Variants in RGS5 observed in about 807,000 individuals in gnomAD.
The protein encoded by RGS5 is regulator of G protein signaling 5.
A neutral mutation model predicts 18.9 loss-of-function variants in RGS5; 20 were observed. The ratio of observed to expected loss-of-function variants is 1.06; its 90% CI spans 0.74 to 1.54. RGS5 has a LOEUF of 1.54. RGS5 is among the 40% of genes most tolerant of loss of function. The pLI is 0.00. For synonymous variants in RGS5, 57 were observed against 76.2 expected, an observed-to-expected ratio of 0.75 and a Z score of 1.31; for missense variants, 201 against 211.8, an observed-to-expected ratio of 0.95 and a Z score of 0.32.
chr1:163,216,078 T>C (rs1660210542), intron 1 of RGS5, among the ~76,000 whole-genome samples: 1 of 151,814 alleles, frequency 6.6e-6, no homozygotes, highest in African/African-American at 2.4e-5. Context: ...TGTTAGTGGG[T>C]TTCTTGCCAA....
At chr1:163,312,274 C>T (rs1051338827) in intron 1 of RGS5, among the ~76,000 whole-genome samples, 7 of 152,312 alleles carry the variant, frequency 4.6e-5, no homozygotes, top group South Asian at 2.1e-4. Flanking sequence ...GCCTCCCCAG[C>T]CATGCTGAAC....
At chr1:163,187,601 A>C (rs1659147752) in intron 1 of RGS5, among the ~76,000 whole-genome samples, 1 of 152,118 alleles carries the variant, frequency 6.6e-6, no homozygotes, top group Non-Finnish European at 1.5e-5. Flanking sequence ...ACCCAAGAGA[A>C]GTGGGTTCAG....
At chr1:163,308,160 C>T (rs1649756311) in intron 1 of RGS5, among the ~76,000 whole-genome samples, 2 of 152,130 alleles carry the variant, frequency 1.3e-5, no homozygotes, top group African/African-American at 4.8e-5. Flanking sequence ...CAGCAGTGTG[C>T]TACATTTAAA....
chr1:163,215,650 T>G (rs1449712841), intron 1 of RGS5, among the ~76,000 whole-genome samples: 1 of 152,192 alleles, frequency 6.6e-6, no homozygotes, highest in African/African-American at 2.4e-5. Flanking sequence ...TACACCAGAA[T>G]GAAAGCAAAC....
At chr1:163,182,767 G>A (rs1658908928) in intron 1 of RGS5, among the ~76,000 whole-genome samples, 1 of 152,072 alleles carries the variant, frequency 6.6e-6, no homozygotes, top group Non-Finnish European at 1.5e-5. Flanking sequence ...GGGTCAGAAG[G>A]GATTCCCATG....
intron 2 of RGS5, among the ~76,000 whole-genome samples, chr1:163,284,806 CCT>C (rs775512841): frequency 9.9e-5 from 15 of 151,994 alleles, no homozygotes; most frequent in Non-Finnish European, 1.2e-4. Flanking sequence ...CCCCTCTTCC[CCT>C]CTCTGTTTCA....
At chr1:163,298,595 A>G (rs887576992) in intron 2 of RGS5, among the ~76,000 whole-genome samples, 4 of 152,138 alleles carry the variant, frequency 2.6e-5, no homozygotes, top group Non-Finnish European at 4.4e-5. Context: ...CTCTCAGGTA[A>G]TAAAAGTTGT....
chr1:163,280,321 G>A lies in RGS5; in HGVS notation c.-281+25912C>T, dbSNP rs1362459575. On this transcript the variant is annotated intron_variant, in intron 2 of 5. Coordinates refer to the RGS5 transcript ENST00000618415. ...AAAAGATAATACATCAGGGCCAAGT[G>A]GAATTTATCCCATGGATGCAAGGAT... 5.3e-5 allele frequency among the ~76,000 whole-genome samples: 8 copies of A among 152,068 alleles called. No homozygotes were observed. In the East Asian group the frequency reaches 1.5e-3, roughly 29 times the overall value.
chr1:163,178,038 C>A (rs1658633678), intron 1 of RGS5, among the ~76,000 whole-genome samples: 1 of 152,206 alleles, frequency 6.6e-6, no homozygotes, highest in Non-Finnish European at 1.5e-5. Context: ...CATGGTGGCT[C>A]ATGCCTGTGA....
chr1:163,303,829 T>C (rs1018212010), intron 2 of RGS5, among the ~76,000 whole-genome samples: 2 of 152,122 alleles, frequency 1.3e-5, no homozygotes, highest in African/African-American at 4.8e-5. Context: ...GTGAACCCTA[T>C]TGCAAACTGC....
chr1:163,256,869 G>A (rs1648287427), intron 2 of RGS5, among the ~76,000 whole-genome samples: 2 of 152,106 alleles, frequency 1.3e-5, no homozygotes, highest in African/African-American at 4.8e-5. Flanking sequence ...AAATCACACC[G>A]ATATTTAGAA....
intron 4 of RGS5, among the ~76,000 whole-genome samples, chr1:163,151,908 GAGATA>G (rs1212735634): frequency 2.0e-5 from 3 of 152,084 alleles, no homozygotes; most frequent in Admixed American, 1.3e-4. Flanking sequence ...TATACATAAT[GAGATA>G]AGATATCTTA....
rs1385942591 is a variant in RGS5 at position 163,275,859 on chromosome 1, G to A, written c.-281+30374C>T. On this transcript the variant is annotated intron_variant, in intron 2 of 5. Transcript: ENST00000618415. ...TAAGTAAAATTTTCAAACCATGTAT[G>A]TGGAAATTGTAAGGGCTGGTTTTGA... Among the ~76,000 whole-genome samples the A allele has an allele frequency of 2.6e-5, 4 of 152,172 alleles. No individual in the cohort carries two copies. In the East Asian group the frequency reaches 5.8e-4, roughly 22 times the overall value.
intron 2 of RGS5, among the ~76,000 whole-genome samples, chr1:163,165,414 T>C (rs1385341039): frequency 6.6e-6 from 1 of 152,210 alleles, no homozygotes; most frequent in African/African-American, 2.4e-5. Context: ...CAATTGATGA[T>C]TTTGTAAGCC....
chr1:163,314,504 A>G (rs1273888695), intron 1 of RGS5, among the ~76,000 whole-genome samples: 1 of 152,166 alleles, frequency 6.6e-6, no homozygotes, highest in Non-Finnish European at 1.5e-5. Flanking sequence ...CATGAGAATG[A>G]TAACATGGCA....
intron 1 of RGS5, chr1:163,217,479 T>G: frequency 6.7e-7 from 1 of 1,483,168 alleles, no homozygotes; most frequent in Non-Finnish European, 9.0e-7. Flanking sequence ...TCCTGTAAAT[T>G]ATAACATTAA....
In RGS5 at chr1:163,147,465, C is replaced by A. The variant is rs148613695; in HGVS notation, c.423G>T (p.Lys141Asn). Residue 141 changes from lysine (K) to asparagine (N), a missense_variant, in exon 5 of 5, where the codon AAG (lysine) becomes AAT (asparagine). Transcript: ENST00000313961. ...IDHFTKDITM[K>N]NLVEPSLSSF... ...TGCTCAGGGAAGGTTCCACCAGGTT[C>A]TTCATTGTGATGTCCTTAGTGAAGT... 1.2e-6 allele frequency: 2 copies of A among 1,610,948 alleles called. No individual in the cohort carries two copies. The highest frequency in any genetic ancestry group is 1.1e-5 in the South Asian group (1 of 90,574).
At chr1:163,256,847 A>C (rs1309619886) in intron 2 of RGS5, among the ~76,000 whole-genome samples, 1 of 152,178 alleles carries the variant, frequency 6.6e-6, no homozygotes, top group African/African-American at 2.4e-5. Flanking sequence ...GGTAAGGAAG[A>C]GCATAGTCAC....
chr1:163,230,701 G>T (rs1440665754), intron 2 of RGS5, among the ~76,000 whole-genome samples: 1 of 151,998 alleles, frequency 6.6e-6, no homozygotes, highest in Admixed American at 6.6e-5. Flanking sequence ...CTCTGTAAAG[G>T]ATAAAAGATT....
Sources: gnomAD v4.1 joint callset for allele counts (sites outside exome capture counted in the v4.1 genomes callset) on GRCh38, gnomAD v4.1.1 for gene constraint, MANE v1.5 for transcripts, NCBI Gene and HGNC (gene_info 2026-07-23, HGNC 2026-07-21) for gene names.